Variants in DNAH10 observed in about 807,000 individuals in gnomAD.
DNAH10 encodes axonemal beta dynein heavy chain 10.
Under a neutral mutation model 506.6 loss-of-function variants are expected in DNAH10, and 348 were observed. That is an observed-to-expected ratio of 0.69 (90% CI 0.63 to 0.75). DNAH10 has a LOEUF of 0.75. DNAH10 is among the 30% of genes least tolerant of loss of function. The pLI, the probability that DNAH10 is intolerant of heterozygous loss-of-function variation, is 0.00. For synonymous variants in DNAH10, 2,059 were observed against 2,198.6 expected (o/e 0.94, Z 1.78); for missense variants, 5,179 against 5,787.1 (o/e 0.89, Z 3.41).
chr12:123,824,430 T>C (rs755166557), intron 24 of DNAH10, among the ~76,000 whole-genome samples: 3 of 152,002 alleles, frequency 2.0e-5, no homozygotes, highest in Non-Finnish European at 4.4e-5. Flanking sequence ...GAGGTGTGAA[T>C]TGGGAGTGTC....
chr12:123,783,922 T>C, intron 7 of DNAH10, 25 bp from the exon 8 acceptor site: 4 of 1,600,172 alleles, frequency 2.5e-6, no homozygotes, highest in Non-Finnish European at 3.4e-6. Context: ...ATGAGAGTTC[T>C]TTGTGTGTTC....
At position 123,850,780 on chromosome 12, in the gene DNAH10, A is replaced by G; in HGVS notation, c.6103-108A>G. The G allele has an allele frequency of 8.7e-7, 1 of 1,146,364 alleles. No homozygotes were observed. The highest frequency in any genetic ancestry group is 1.2e-6 in the Non-Finnish European group (1 of 822,976). The allele number at this position is 1,146,364 out of a possible 1,614,324, so 71.0% of individuals were successfully genotyped here. A position where few individuals can be genotyped will look rare whatever the true frequency, so the allele number is the denominator to read the frequency against. Reference sequence around the variant, plus strand: ...AGAGACAAGTGGTGTTGTCAGCCTCATACCATGAAAATGAATCGCCACGCA... The same window carrying G: ...AGAGACAAGTGGTGTTGTCAGCCTCGTACCATGAAAATGAATCGCCACGCA... On this transcript the variant is annotated intron_variant, in intron 34 of 78. Coordinates refer to ENST00000673944, the MANE Select transcript of DNAH10 (RefSeq NM_001372106.1). This position sits in a 1 kb window ranked among gnomAD's most constrained non-coding sequence, Gnocchi z 5.5.
chr12:123,771,554 A>T, intron 2 of DNAH10, 47 bp from the exon 3 acceptor site: 1 of 1,538,014 alleles, frequency 6.5e-7, no homozygotes, highest in Non-Finnish European at 8.9e-7. Context: ...ATGGTAGGAA[A>T]CCTAATTTTC....
chr12:123,838,716 C>A, intron 29 of DNAH10, 27 bp downstream of exon 29: 1 of 1,597,428 alleles, frequency 6.3e-7, no homozygotes, highest in Non-Finnish European at 8.6e-7. Flanking sequence ...TGCAGGGGCT[C>A]CCCGTGTAAG....
At chr12:123,914,829 T>C in intron 61 of DNAH10, 23 bp from the exon 62 acceptor site, 2 of 1,610,438 alleles carry the variant, frequency 1.2e-6, no homozygotes, top group East Asian at 2.2e-5. Context: ...AAAAATTCAT[T>C]TCCCAATGGC....
chr12:123,859,547 A>G (rs1951535866), intron 38 of DNAH10, among the ~76,000 whole-genome samples: 1 of 152,204 alleles, frequency 6.6e-6, no homozygotes. Flanking sequence ...ATATTTTGAA[A>G]ATGAATGTAA....
At chr12:123,888,540 C>T (rs1378628464) in intron 52 of DNAH10, among the ~76,000 whole-genome samples, 1 of 152,142 alleles carries the variant, frequency 6.6e-6, no homozygotes, top group Non-Finnish European at 1.5e-5. Context: ...CCACAAGTCA[C>T]GGGACACCTG....
Position 123,893,345 on chromosome 12 carries a change from CT to C in DNAH10, c.9110del (p.Phe3037SerfsTer2). ...CGGCCAAGGAGTCTGTGTGGCAGTA[CT>C]TCGTGAACAAAAGTGCAAATAACCT... ...GPAKESVWQY[F>X]VNKSANNLHI... On this transcript the variant is annotated frameshift_variant, in exon 53 of 79. Coordinates refer to ENST00000673944, the MANE Select transcript of DNAH10 (RefSeq NM_001372106.1). LOFTEE classifies it high-confidence loss of function. The C allele has an allele frequency of 6.2e-7, 1 of 1,614,030 alleles. No individual in the cohort carries two copies. The highest frequency in any genetic ancestry group is 8.5e-7 in the Non-Finnish European group (1 of 1,179,902).
chr12:123,882,789 C>T (rs1246866834), intron 51 of DNAH10, among the ~76,000 whole-genome samples: 1 of 62,260 alleles, frequency 1.6e-5, no homozygotes, highest in African/African-American at 7.1e-5. Flanking sequence ...AAGACTCTGT[C>T]AAAAAAAAAA....
chr12:123,823,311 G>A lies in DNAH10; in HGVS notation c.4179+2553G>A, dbSNP rs1959616508. ...AGGAAATGGGGTTGGGATGTGCGAA[G>A]CGGCCGGTGGAGATGAAGCCGTGAG... On this transcript the variant is annotated intron_variant, in intron 24 of 78. Transcript: ENST00000673944. Among the ~76,000 whole-genome samples, 4 of 152,240 alleles carry A rather than the reference G, an allele frequency of 2.6e-5. No individual in the cohort carries two copies. The South Asian group carries it at 8.3e-4, about 32-fold the overall frequency.
Position 123,877,777 on chromosome 12 carries a change from A to G in DNAH10, c.8241A>G (p.Thr2747=), listed in dbSNP as rs755784003. 9.9e-6 allele frequency: 16 copies of G among 1,613,726 alleles called. No individual in the cohort carries two copies. Among genetic ancestry groups the G allele is most frequent in the East Asian group, 4.5e-5 (2 of 44,894 alleles). ...TTGTGGCTGTGAGTGGCAAGCTGAC[A>G]TTCTGCACGCTAGCACTTTACAAAA... The part of the protein sequence containing the change: ...ESIVAVSGKL[T]FCTLALYKNI... The change falls in exon 48 of 79, where the codon ACA becomes ACG. Residue 2747 remains threonine (T), a synonymous_variant. Transcript: ENST00000673944.
At chr12:123,839,215 T>TA (rs575224560) in intron 29 of DNAH10, among the ~76,000 whole-genome samples, 6,512 of 126,812 alleles carry the variant, frequency 0.051, 172 homozygotes, top group Non-Finnish European at 0.076. Context: ...TTTTATAAAC[T>TA]AAAAAAAAAA....
chr12:123,782,089 G>T lies in DNAH10; in HGVS notation c.841+790G>T, dbSNP rs555723294. Among the ~76,000 whole-genome samples, 186 of 152,064 alleles carry T rather than the reference G, an allele frequency of 1.2e-3. 1 individual carries two copies. Among genetic ancestry groups the T allele is most frequent in the Middle Eastern group, 3.4e-3 (1 of 294 alleles). On this transcript the variant is annotated intron_variant, in intron 6 of 78. Transcript: ENST00000673944. ...GATTCTATTTCTTATCTTTTCTCTT[G>T]TATTTTTCATCTTTTTGTCTTTGTA... is the stretch of plus-strand genomic sequence containing the variant.
At position 123,902,399 on chromosome 12, in the gene DNAH10, T is replaced by C. The variant is rs1471768729; in HGVS notation, c.9641-540T>C. ...CCTCGGGGAGGTGCTGACATCCTAG[T>C]GAGTGAGGGCACCCAGGCAGTGAAT... On this transcript the variant is annotated intron_variant, in intron 56 of 78. Transcript: ENST00000673944. The surrounding 1 kb of genome is among the most constrained non-coding windows in gnomAD (Gnocchi z 4.5). Among the ~76,000 whole-genome samples, 1 of 151,872 alleles carries C rather than the reference T, an allele frequency of 6.6e-6. No homozygotes were observed. The highest frequency in any genetic ancestry group is 2.4e-5 in the African/African-American group (1 of 41,282).
At chr12:123,899,143 G>C (rs568190340) in intron 56 of DNAH10, among the ~76,000 whole-genome samples, 28 of 152,272 alleles carry the variant, frequency 1.8e-4, no homozygotes, top group Non-Finnish European at 3.4e-4. Context: ...CCGTGGGGTT[G>C]AAATGACCTA....
intron 1 of DNAH10, among the ~76,000 whole-genome samples, chr12:123,765,671 A>C (rs1286645397): frequency 6.6e-6 from 1 of 150,742 alleles, no homozygotes; most frequent in East Asian, 2.0e-4. Flanking sequence ...ATCTCTCTCT[A>C]TTATCTATCT....
At position 123,928,857 on chromosome 12, in the gene DNAH10, C is replaced by T; in HGVS notation, c.12306+270C>T. 1.0e-5 allele frequency: 1 copy of T among 98,606 alleles called. No homozygotes were observed. Among genetic ancestry groups the T allele is most frequent in the Non-Finnish European group, 2.1e-5 (1 of 47,630 alleles). 6.1% of individuals were successfully genotyped at this position (98,606 alleles called of 1,614,324 possible). A position where few individuals can be genotyped will look rare whatever the true frequency, so the allele number is the denominator to read the frequency against. ...ACGCTACTTTTCATAAACTTCACGG[C>T]CCCCCCCCCCACACACAGCCTGCAG... is the stretch of plus-strand genomic sequence containing the variant. On this transcript the variant is annotated intron_variant, in intron 70 of 78. Transcript: ENST00000673944. The surrounding 1 kb of genome is among the most constrained non-coding windows in gnomAD (Gnocchi z 4.9).
intron 48 of DNAH10, among the ~76,000 whole-genome samples, chr12:123,878,236 C>T (rs1322685105): frequency 6.6e-6 from 1 of 152,114 alleles, no homozygotes; most frequent in Non-Finnish European, 1.5e-5. Flanking sequence ...ATAACTCAGT[C>T]GTTGCCGGTT....
chr12:123,813,596 G>C lies in DNAH10; in HGVS notation c.3577G>C (p.Glu1193Gln). Reference protein sequence around the residue: ...WVISLGKLLNESAKEELYNLH... With the variant: ...WVISLGKLLNQSAKEELYNLH... ...GATTTCGCTTGGAAAACTTCTCAAT[G>C]AGTCAGCAAAAGAGGAGCTCTATAA... Residue 1193 changes from glutamate to glutamine, a missense_variant, in exon 20 of 79, where the codon GAG becomes CAG. Glu to Gln is a conservative substitution (Grantham distance 29). Coordinates refer to ENST00000673944, the MANE Select transcript of DNAH10 (RefSeq NM_001372106.1). The C allele has an allele frequency of 6.2e-7, 1 of 1,614,192 alleles. No individual in the cohort carries two copies. Among genetic ancestry groups the C allele is most frequent in the East Asian group, 2.2e-5 (1 of 44,884 alleles).
Sources: gnomAD v4.1 joint callset for allele counts (sites outside exome capture counted in the v4.1 genomes callset) on GRCh38, gnomAD v4.1.1 for gene constraint, Gnocchi (gnomAD v3.1) non-coding constraint, MANE v1.5 for transcripts, NCBI Gene and HGNC (gene_info 2026-07-23, HGNC 2026-07-21) for gene names.